Variants in MAPK4 observed in about 807,000 individuals in gnomAD.
MAPK4 encodes mitogen-activated protein kinase 4.
MAPK4 carries 22 observed loss-of-function variants against 47.7 expected under a neutral mutation model. That is an observed-to-expected ratio of 0.46 (90% CI 0.33 to 0.66). MAPK4 has a LOEUF of 0.66. MAPK4 is among the 30% of genes least tolerant of loss of function. The pLI is 0.02. For missense variants in MAPK4, 736 were observed against 831.7 expected, an observed-to-expected ratio of 0.88 and a Z score of 1.42; for synonymous variants, 390 against 365.7, an observed-to-expected ratio of 1.07 and a Z score of -0.76.
intron 1 of MAPK4, among the ~76,000 whole-genome samples, chr18:50,633,089 C>T (rs185497074): frequency 1.3e-5 from 2 of 152,172 alleles, no homozygotes; most frequent in South Asian, 2.1e-4. Context: ...ATGGGTGTGC[C>T]GAGGTCACAC....
rs140178218 is a variant in MAPK4 at position 50,632,814 on chromosome 18, T to C, written c.-870-30275T>C. Reference sequence around the variant, plus strand: ...TTCATATTTTTAGTAGAGACAGGGTTTTACCATGTTGGCCAGGCTGGTCTC... The same window carrying C: ...TTCATATTTTTAGTAGAGACAGGGTCTTACCATGTTGGCCAGGCTGGTCTC... On this transcript the variant is annotated intron_variant, in intron 1 of 5. Transcript: ENST00000400384. 3.6e-4 allele frequency among the ~76,000 whole-genome samples: 55 copies of C among 152,114 alleles called. No homozygotes were observed. The East Asian group carries it at 9.1e-3, about 25-fold the overall frequency.
chr18:50,585,541 C>A (rs566493481), intron 1 of MAPK4, among the ~76,000 whole-genome samples: 1 of 152,200 alleles, frequency 6.6e-6, no homozygotes. Context: ...CCTGCAAGTC[C>A]CCCATAATGT....
intron 1 of MAPK4, among the ~76,000 whole-genome samples, chr18:50,564,955 T>G (rs2042186074): frequency 6.6e-6 from 1 of 152,200 alleles, no homozygotes. Context: ...CTAGGACCCC[T>G]CCCAGGCCTT....
rs1044602325 is a variant in MAPK4, at chr18:50,678,328, C to T, written c.546+13824C>T. On this transcript the variant is annotated intron_variant, in intron 2 of 5. Transcript: ENST00000400384. This position sits in a 1 kb window ranked among gnomAD's most constrained non-coding sequence, Gnocchi z 4.2. ...TACAGAGCCCCCTTAAATGTTGACA[C>T]ATTTGCAATTTGGCCAAAGCCTGCC... 5.9e-5 allele frequency among the ~76,000 whole-genome samples: 9 copies of T among 152,228 alleles called. No individual in the cohort carries two copies. The highest frequency in any genetic ancestry group is 2.2e-4 in the African/African-American group (9 of 41,462).
chr18:50,635,331 C>T (rs1050628333), intron 1 of MAPK4, among the ~76,000 whole-genome samples: 1 of 152,144 alleles, frequency 6.6e-6, no homozygotes, highest in African/African-American at 2.4e-5. Flanking sequence ...TGCCCCCTAT[C>T]ACCCCCAACA....
chr18:50,611,557 A>G (rs2042633535), intron 1 of MAPK4, among the ~76,000 whole-genome samples: 2 of 152,214 alleles, frequency 1.3e-5, no homozygotes, highest in African/African-American at 4.8e-5. Flanking sequence ...CTCCTTATCT[A>G]GGCCCAGGCC....
chr18:50,604,476 G>T (rs1375086962), intron 1 of MAPK4, among the ~76,000 whole-genome samples: 1 of 152,118 alleles, frequency 6.6e-6, no homozygotes, highest in Non-Finnish European at 1.5e-5. Context: ...AATCCATGAG[G>T]TATAAGCTTG....
At chr18:50,590,821 A>G (rs979465073) in intron 1 of MAPK4, among the ~76,000 whole-genome samples, 17 of 152,128 alleles carry the variant, frequency 1.1e-4, no homozygotes, top group East Asian at 9.7e-4. Flanking sequence ...TTTCACTCTC[A>G]TAAGTGTTCC....
chr18:50,646,038 T>C (rs1409440888), intron 1 of MAPK4, among the ~76,000 whole-genome samples: 1 of 152,262 alleles, frequency 6.6e-6, no homozygotes, highest in African/African-American at 2.4e-5. Flanking sequence ...CTGTTGCTTT[T>C]AACTCTTACA....
intron 1 of MAPK4, among the ~76,000 whole-genome samples, chr18:50,649,477 C>A (rs1189044625): frequency 6.6e-6 from 1 of 152,170 alleles, no homozygotes; most frequent in Non-Finnish European, 1.5e-5. Context: ...CACTTGGTTT[C>A]CTCCAGGTGG....
chr18:50,634,863 C>G (rs955423213), intron 1 of MAPK4, among the ~76,000 whole-genome samples: 2 of 152,188 alleles, frequency 1.3e-5, no homozygotes, highest in South Asian at 4.1e-4. Flanking sequence ...TAATGAGACT[C>G]AAGCCACACC....
chr18:50,696,334 A>G (rs528165931), intron 2 of MAPK4, among the ~76,000 whole-genome samples: 10 of 152,324 alleles, frequency 6.6e-5, no homozygotes, highest in African/African-American at 2.4e-4. Flanking sequence ...CTTGAATTGC[A>G]TACAGGACAG....
chr18:50,642,848 G>A (rs2042952624), intron 1 of MAPK4, among the ~76,000 whole-genome samples: 1 of 152,168 alleles, frequency 6.6e-6, no homozygotes, highest in Middle Eastern at 3.2e-3. Context: ...CAGGTAATCC[G>A]CCCACCTTGG....
chr18:50,679,717 A>C (rs770302442), intron 2 of MAPK4, among the ~76,000 whole-genome samples: 32 of 152,308 alleles, frequency 2.1e-4, no homozygotes, highest in Admixed American at 5.9e-4. Flanking sequence ...GAGAAGAGGG[A>C]GTAATCATGG....
intron 1 of MAPK4, among the ~76,000 whole-genome samples, chr18:50,647,895 C>A (rs1164850974): frequency 6.6e-6 from 1 of 152,180 alleles, no homozygotes; most frequent in African/African-American, 2.4e-5. Flanking sequence ...TTATGACTCA[C>A]TTCCCCCAAG....
At chr18:50,623,350 G>C (rs2042748932) in intron 1 of MAPK4, among the ~76,000 whole-genome samples, 1 of 152,196 alleles carries the variant, frequency 6.6e-6, no homozygotes. Flanking sequence ...CAGCAGTGTA[G>C]ATTTTTCTAC....
In MAPK4 at chr18:50,729,620, C is replaced by G. The variant is rs1434461667; in HGVS notation, c.1530C>G (p.Pro510=). 1 of 1,382,152 alleles carries G rather than the reference C, an allele frequency of 7.2e-7. No individual in the cohort carries two copies. The highest frequency in any genetic ancestry group is 9.3e-7 in the Non-Finnish European group (1 of 1,070,416). 85.6% of individuals were successfully genotyped at this position (1,382,152 alleles called of 1,614,324 possible). The change falls in exon 6 of 6, where the codon CCC becomes CCG. Residue 510 remains proline (P), a synonymous_variant. Coordinates refer to ENST00000400384, the MANE Select transcript of MAPK4 (RefSeq NM_002747.4). ...GCGGCCCAGAGCACGCCAGCCCGCC[C>G]GCCGACGACCCCGAGCGCCGCTTGT... is the stretch of plus-strand genomic sequence containing the variant. The part of the protein sequence containing the change: ...TQGGPEHASP[P]ADDPERRLSA...
At chr18:50,687,674 C>T (rs527342305) in intron 2 of MAPK4, among the ~76,000 whole-genome samples, 4 of 152,070 alleles carry the variant, frequency 2.6e-5, no homozygotes, top group Admixed American at 6.5e-5. Context: ...CCACTCCCAG[C>T]GAGACTCTGC....
chr18:50,671,468 T>C (rs756873307), intron 2 of MAPK4, among the ~76,000 whole-genome samples: 2 of 152,148 alleles, frequency 1.3e-5, no homozygotes, highest in Non-Finnish European at 2.9e-5. Context: ...AGCAAATTAC[T>C]GCAGTTTGTT....
Sources: allele counts gnomAD v4.1 joint callset (sites outside exome capture counted in the v4.1 genomes callset), GRCh38; gene constraint gnomAD v4.1.1; non-coding constraint Gnocchi (gnomAD v3.1); transcripts MANE v1.5; gene names NCBI Gene and HGNC (gene_info 2026-07-23, HGNC 2026-07-21).